HECW2: variants seen among roughly 807,000 people sequenced by gnomAD.
HECW2 encodes the protein E3 ubiquitin-protein ligase HECW2.
A neutral mutation model predicts 175.2 loss-of-function variants in HECW2; 61 were observed. The observed-to-expected ratio is 0.35, with a 90% CI of 0.28 to 0.43. The LOEUF (loss-of-function observed/expected upper bound fraction) is 0.43, where lower values mean the gene tolerates loss of function less well. Ranked by LOEUF, HECW2 falls within the 20% of genes least tolerant of loss-of-function variation. HECW2 has a pLI of 1.00. For missense variants in HECW2, 1,524 were observed against 2,000.5 expected, an observed-to-expected ratio of 0.76 and a Z score of 4.54; for synonymous variants, 671 against 731.0, an observed-to-expected ratio of 0.92 and a Z score of 1.32.
intron 17 of HECW2, among the ~76,000 whole-genome samples, chr2:196,265,525 T>C (rs1490461905): frequency 6.6e-6 from 1 of 152,072 alleles, no homozygotes; most frequent in Non-Finnish European, 1.5e-5. Flanking sequence ...TAGATCCTAG[T>C]TGCATTTAAA....
rs369089277 is a variant in HECW2, at chr2:196,230,546, C to T, written c.3765-2292G>A. 7.9e-5 allele frequency among the ~76,000 whole-genome samples: 12 copies of T among 152,294 alleles called. No homozygotes were observed. The East Asian group carries it at 9.6e-4, about 12-fold the overall frequency. On this transcript the variant is annotated intron_variant, in intron 21 of 28. Transcript: ENST00000644978. ...CACTTCCTTCAACCTTCTCTCAGGG[C>T]AGGGGTGAGAATTCCTTCTCTACCC... is the stretch of plus-strand genomic sequence containing the variant.
chr2:196,534,006 T>C (rs1303037958), intron 1 of HECW2, among the ~76,000 whole-genome samples: 1 of 152,248 alleles, frequency 6.6e-6, no homozygotes, highest in Non-Finnish European at 1.5e-5. Context: ...GATTTGTTTT[T>C]CTGTTGCTGC....
At chr2:196,485,251 G>C (rs909482773) in intron 1 of HECW2, among the ~76,000 whole-genome samples, 1 of 152,212 alleles carries the variant, frequency 6.6e-6, no homozygotes, top group Non-Finnish European at 1.5e-5. Flanking sequence ...GTGTGGCTTA[G>C]AGAAGCTGAG....
intron 6 of HECW2, among the ~76,000 whole-genome samples, chr2:196,323,908 GTTTTTTGTTTGTT>G (rs1447753908): frequency 1.6e-5 from 1 of 63,218 alleles, no homozygotes; most frequent in Non-Finnish European, 2.7e-5. Context: ...AGTTTTTTTT[GTTTTTTGTTTGTT>G]TTTTTTTTTT....
At chr2:196,413,056 A>G (rs1695157925) in intron 2 of HECW2, among the ~76,000 whole-genome samples, 1 of 152,216 alleles carries the variant, frequency 6.6e-6, no homozygotes, top group South Asian at 2.1e-4. Flanking sequence ...TGAAATATGA[A>G]ATAACATGAA....
At chr2:196,407,212 T>C (rs1441714566) in intron 2 of HECW2, among the ~76,000 whole-genome samples, 1 of 151,064 alleles carries the variant, frequency 6.6e-6, no homozygotes, top group Non-Finnish European at 1.5e-5. Context: ...TTCAAAACTT[T>C]TTTTTTTTTT....
At chr2:196,475,127 C>T (rs1253374346) in intron 1 of HECW2, among the ~76,000 whole-genome samples, 1 of 152,116 alleles carries the variant, frequency 6.6e-6, no homozygotes, top group Non-Finnish European at 1.5e-5. Flanking sequence ...GTTCAGAAGA[C>T]ACCCACACAC....
At chr2:196,525,596 G>T (rs1200943436) in intron 1 of HECW2, among the ~76,000 whole-genome samples, 1 of 138,210 alleles carries the variant, frequency 7.2e-6, no homozygotes, top group Non-Finnish European at 1.6e-5. Context: ...ATTTTGGCAT[G>T]ATTTTGCAGC....
At chr2:196,271,798 T>A (rs1429299371) in intron 16 of HECW2, among the ~76,000 whole-genome samples, 1 of 152,204 alleles carries the variant, frequency 6.6e-6, no homozygotes, top group African/African-American at 2.4e-5. Flanking sequence ...TTCTGGCTAA[T>A]ATTACTTATA....
At chr2:196,264,361 C>G (rs1188810346) in intron 17 of HECW2, among the ~76,000 whole-genome samples, 1 of 152,096 alleles carries the variant, frequency 6.6e-6, no homozygotes, top group Non-Finnish European at 1.5e-5. Context: ...GAACTGTTTT[C>G]TTCATAAATA....
intron 2 of HECW2, among the ~76,000 whole-genome samples, chr2:196,363,686 T>C (rs966465719): frequency 6.6e-6 from 1 of 152,158 alleles, no homozygotes; most frequent in Non-Finnish European, 1.5e-5. Flanking sequence ...TAGCTTGGCA[T>C]GGTGGCATGC....
At chr2:196,435,818 G>A (rs532715798) in intron 1 of HECW2, among the ~76,000 whole-genome samples, 1 of 152,322 alleles carries the variant, frequency 6.6e-6, no homozygotes, top group South Asian at 2.1e-4. Flanking sequence ...GGATTTTGGA[G>A]AGAACTAAAT....
chr2:196,565,736 AAAGTT>A (rs1690164470), intron 1 of HECW2, among the ~76,000 whole-genome samples: 1 of 152,226 alleles, frequency 6.6e-6, no homozygotes, highest in Admixed American at 6.5e-5. Context: ...AACCCAAAAT[AAAGTT>A]ATCTTTCTTT....
At chr2:196,437,511 C>A (rs1695912280) in intron 1 of HECW2, among the ~76,000 whole-genome samples, 1 of 151,088 alleles carries the variant, frequency 6.6e-6, no homozygotes, top group African/African-American at 2.4e-5. Context: ...ACTCAGGAGG[C>A]TGAGGCACGA....
intron 2 of HECW2, among the ~76,000 whole-genome samples, chr2:196,352,255 T>A (rs542055909): frequency 1.1e-3 from 164 of 152,238 alleles, no homozygotes; most frequent in Non-Finnish European, 2.1e-3. Context: ...TACTGGCGAC[T>A]ACGGCTTTGA....
rs191734148 is a variant in HECW2 at position 196,200,925 on chromosome 2, C to T, written c.*352G>A. The stretch of plus-strand genomic sequence containing the variant: ...AATGCTGCCAGTTTGGCTTGAACCA[C>T]GTTCAAGGGTAAGTTTCAAGATTCT... On this transcript the variant is annotated 3_prime_UTR_variant, in exon 29 of 29. Transcript: ENST00000644978. 158 of 169,336 alleles carry T rather than the reference C, an allele frequency of 9.3e-4. No individual in the cohort carries two copies. Among genetic ancestry groups the T allele is most frequent in the African/African-American group, 3.5e-3 (147 of 42,286 alleles). The allele number at this position is 169,336 out of a possible 1,614,324, so 10.5% of individuals were successfully genotyped here. A position where few individuals can be genotyped will look rare whatever the true frequency, so the allele number is the denominator to read the frequency against.
intron 1 of HECW2, among the ~76,000 whole-genome samples, chr2:196,445,266 G>T (rs1223466199): frequency 6.6e-6 from 1 of 152,142 alleles, no homozygotes; most frequent in Admixed American, 6.6e-5. Context: ...CAATGCAAAA[G>T]AACAAAGTCA....
chr2:196,469,087 G>A (rs928179342), intron 1 of HECW2, among the ~76,000 whole-genome samples: 5 of 148,846 alleles, frequency 3.4e-5, no homozygotes, highest in African/African-American at 1.0e-4. Context: ...ATTTTCTATC[G>A]CAGGTCACTG....
chr2:196,296,565 G>C (rs1690822877), intron 13 of HECW2, among the ~76,000 whole-genome samples: 1 of 152,108 alleles, frequency 6.6e-6, no homozygotes, highest in Non-Finnish European at 1.5e-5. Context: ...ACTGAACAAG[G>C]GTCTCCTAAG....
Sources: gnomAD v4.1 joint callset for allele counts (sites outside exome capture counted in the v4.1 genomes callset) on GRCh38, gnomAD v4.1.1 for gene constraint, MANE v1.5 for transcripts, NCBI Gene and HGNC (gene_info 2026-07-23, HGNC 2026-07-21) for gene names.